NPHP1: variants seen among roughly 807,000 people sequenced by gnomAD.
The protein encoded by NPHP1 is nephrocystin-1.
A neutral mutation model predicts 90.4 loss-of-function variants in NPHP1; 70 were observed. The ratio of observed to expected loss-of-function variants is 0.77; its 90% CI spans 0.64 to 0.95. The LOEUF (loss-of-function observed/expected upper bound fraction) is 0.95. NPHP1 is among the 40% of genes least tolerant of loss of function. The pLI is 0.00. For missense variants in NPHP1, 764 were observed against 795.9 expected (o/e 0.96, Z 0.48); for synonymous variants, 256 against 271.7 (o/e 0.94, Z 0.57).
intron 12 of NPHP1, among the ~76,000 whole-genome samples, chr2:110,149,327 A>C (rs1681292442): frequency 1.3e-5 from 2 of 152,154 alleles, no homozygotes; most frequent in Non-Finnish European, 2.9e-5. Context: ...GAAAAACATT[A>C]AAAAATTCTA....
At chr2:110,170,676 G>GT (rs563108578) in intron 4 of NPHP1, among the ~76,000 whole-genome samples, 1 of 152,194 alleles carries the variant, frequency 6.6e-6, no homozygotes, top group East Asian at 1.9e-4. Context: ...AGTGCAATAG[G>GT]TACTAGAGTA....
intron 19 of NPHP1, chr2:110,124,632 C>A: frequency 5.5e-6 from 1 of 180,244 alleles, no homozygotes; most frequent in Non-Finnish European, 1.2e-5. Flanking sequence ...AGCCCCGATG[C>A]CCACAGGCCA....
At chr2:110,182,440 G>A (rs922851616) in intron 2 of NPHP1, among the ~76,000 whole-genome samples, 3 of 151,958 alleles carry the variant, frequency 2.0e-5, no homozygotes, top group Admixed American at 6.6e-5. Flanking sequence ...ATACCTCTCA[G>A]TGGAAACCCA....
At chr2:110,170,051 C>A (rs1223873314) in intron 4 of NPHP1, 53 bp from the exon 5 acceptor site, 1 of 1,608,548 alleles carries the variant, frequency 6.2e-7, no homozygotes, top group Non-Finnish European at 8.5e-7. Context: ...CAAGAACAGA[C>A]CAGCTATGAG....
chr2:110,149,912 C>G (rs1402176030), intron 12 of NPHP1, among the ~76,000 whole-genome samples: 1 of 152,098 alleles, frequency 6.6e-6, no homozygotes, highest in Non-Finnish European at 1.5e-5. Context: ...GAAAAACACC[C>G]CACTTCCTAA....
chr2:110,147,157 G>T (rs1309832230), intron 13 of NPHP1, among the ~76,000 whole-genome samples: 1 of 151,974 alleles, frequency 6.6e-6, no homozygotes, highest in Non-Finnish European at 1.5e-5. Flanking sequence ...GTACTACATG[G>T]GATGATGAAC....
chr2:110,124,256 T>C (rs1331696850), intron 19 of NPHP1, 193 bp from the exon 20 acceptor site: 2 of 667,670 alleles, frequency 3.0e-6, no homozygotes, highest in East Asian at 2.7e-5. Context: ...TTACACAGAG[T>C]ACAGTGGAGC....
intron 9 of NPHP1, among the ~76,000 whole-genome samples, chr2:110,162,216 C>T (rs1313403068): frequency 3.9e-5 from 6 of 152,104 alleles, no homozygotes; most frequent in African/African-American, 1.4e-4. Flanking sequence ...GTCCCCTGCC[C>T]TCCATAGTTT....
intron 2 of NPHP1, chr2:110,184,022 T>C (rs1183725991): frequency 2.3e-6 from 1 of 441,556 alleles, no homozygotes; most frequent in Non-Finnish European, 4.6e-6. Flanking sequence ...CAGACCCAAC[T>C]GGTAGTTCCT....
intron 17 of NPHP1, among the ~76,000 whole-genome samples, chr2:110,131,081 CT>C (rs1305761586): frequency 6.6e-6 from 1 of 152,158 alleles, no homozygotes; most frequent in Non-Finnish European, 1.5e-5. Context: ...AACTGCTTTT[CT>C]TTTTGAAGGC....
chr2:110,164,764 A>C, intron 7 of NPHP1, 34 bp from the exon 8 acceptor site: 3 of 1,546,808 alleles, frequency 1.9e-6, no homozygotes, highest in Non-Finnish European at 2.7e-6. Flanking sequence ...GAGTCAGGTC[A>C]GGTTATGCCT....
At chr2:110,128,779 A>G (rs3789733) in intron 18 of NPHP1, 82,165 of 222,808 alleles carry the variant, frequency 0.37, 16,732 homozygotes, top group East Asian at 0.57. Flanking sequence ...ACGATTTAAC[A>G]TAACACTCAA....
At chr2:110,125,170 C>T in intron 19 of NPHP1, 1 of 1,520,430 alleles carries the variant, frequency 6.6e-7, no homozygotes, top group Non-Finnish European at 8.8e-7. Context: ...TGGATGAGAG[C>T]AGTCAAACCA....
At chr2:110,124,460 T>A (rs1440076640) in intron 19 of NPHP1, 1 of 292,280 alleles carries the variant, frequency 3.4e-6, no homozygotes, top group Admixed American at 4.3e-5. Context: ...GAGGTAACTG[T>A]CATGTTATCT....
intron 2 of NPHP1, among the ~76,000 whole-genome samples, chr2:110,187,872 T>C (rs10168108): frequency 0.45 from 68,036 of 151,884 alleles, 16,362 homozygotes; most frequent in African/African-American, 0.62. Context: ...ATATACAAAT[T>C]AATAAATGTG....
chr2:110,127,651 C>T (rs1253820512), intron 18 of NPHP1: 8 of 152,156 alleles, frequency 5.3e-5, no homozygotes, highest in South Asian at 4.1e-4. Context: ...TCAAGCAGCC[C>T]GTGGCACATT....
At chr2:110,129,669 C>T (rs1383783211) in intron 17 of NPHP1, among the ~76,000 whole-genome samples, 1 of 152,130 alleles carries the variant, frequency 6.6e-6, no homozygotes, top group East Asian at 1.9e-4. Context: ...AGACAGAGGA[C>T]CTGCTGCTCA....
At chr2:110,174,027 C>A (rs1299350889) in intron 4 of NPHP1, among the ~76,000 whole-genome samples, 1 of 151,962 alleles carries the variant, frequency 6.6e-6, no homozygotes, top group Non-Finnish European at 1.5e-5. Context: ...ATTATTGTAA[C>A]CGTATCACCT....
intron 16 of NPHP1, among the ~76,000 whole-genome samples, chr2:110,142,525 T>C (rs1680722272): frequency 6.6e-6 from 1 of 151,848 alleles, no homozygotes; most frequent in Non-Finnish European, 1.5e-5. Flanking sequence ...GCTAATTTTT[T>C]TTTTTTGGTA....
Sources: allele counts gnomAD v4.1 joint callset (sites outside exome capture counted in the v4.1 genomes callset), GRCh38; gene constraint gnomAD v4.1.1; transcripts MANE v1.5; gene names NCBI Gene and HGNC (gene_info 2026-07-23, HGNC 2026-07-21).